Variants in KLHL18 observed in about 807,000 individuals in gnomAD.
KLHL18 encodes the protein kelch-like protein 18.
In KLHL18, 38 loss-of-function variants were observed where a neutral mutation model predicts 58.5. The observed-to-expected ratio is 0.65, with a 90% CI of 0.50 to 0.85. The LOEUF (loss-of-function observed/expected upper bound fraction) is 0.85, where lower values mean the gene tolerates loss of function less well. Ranked by LOEUF, KLHL18 falls within the 40% of genes least tolerant of loss-of-function variation. KLHL18 has a pLI of 0.00. For synonymous variants in KLHL18, 303 were observed against 301.9 expected (o/e 1.00, Z -0.04); for missense variants, 624 against 778.4 (o/e 0.80, Z 2.36).
chr3:47,328,308 A>G (rs1292499217), intron 3 of KLHL18, among the ~76,000 whole-genome samples: 1 of 151,448 alleles, frequency 6.6e-6, no homozygotes, highest in Non-Finnish European at 1.5e-5. Flanking sequence ...CAAGGCTATC[A>G]TGAGCCATAA....
chr3:47,316,205 A>C (rs957039139), intron 1 of KLHL18, among the ~76,000 whole-genome samples: 2 of 152,130 alleles, frequency 1.3e-5, no homozygotes, highest in Non-Finnish European at 2.9e-5. Context: ...AAAGAAAACC[A>C]ATACCAAGAT....
chr3:47,295,277 G>T (rs1287487626), intron 1 of KLHL18, among the ~76,000 whole-genome samples: 2 of 152,162 alleles, frequency 1.3e-5, no homozygotes, highest in Non-Finnish European at 2.9e-5. Context: ...CATTCTGGTT[G>T]ACTTCTCTAA....
intron 1 of KLHL18, among the ~76,000 whole-genome samples, chr3:47,285,090 G>A (rs941122546): frequency 3.9e-5 from 6 of 152,338 alleles, no homozygotes; most frequent in Admixed American, 3.3e-4. Flanking sequence ...TGGGATTACA[G>A]GCGTGAGCCA....
chr3:47,304,202 A>G (rs989101059), intron 1 of KLHL18, among the ~76,000 whole-genome samples: 2 of 152,132 alleles, frequency 1.3e-5, no homozygotes, highest in Non-Finnish European at 2.9e-5. Flanking sequence ...CTTTCATATA[A>G]ATTTTAGAAT....
intron 1 of KLHL18, among the ~76,000 whole-genome samples, chr3:47,296,433 G>A (rs138121401): frequency 3.9e-5 from 6 of 152,304 alleles, no homozygotes; most frequent in Non-Finnish European, 7.3e-5. Context: ...GCTTGTAGGT[G>A]CATGAGACAC....
At chr3:47,299,021 G>C (rs1702956069) in intron 1 of KLHL18, among the ~76,000 whole-genome samples, 1 of 152,122 alleles carries the variant, frequency 6.6e-6, no homozygotes, top group Admixed American at 6.5e-5. Context: ...GAGTGAACTT[G>C]TTTCCATTTC....
chr3:47,324,298 C>CTTTTTTTTTTTTCTTTTTTTTTTT (rs1703660368), intron 3 of KLHL18, among the ~76,000 whole-genome samples: 1 of 37,486 alleles, frequency 2.7e-5, no homozygotes, highest in Admixed American at 5.3e-4. Context: ...TTCTTTCTTT[C>CTTTTTTTTTTTTCTTTTTTTTTTT]TTTTTTTTTT....
chr3:47,336,810 C>T (rs746681383), intron 7 of KLHL18, 53 bp downstream of exon 7: 21 of 1,426,610 alleles, frequency 1.5e-5, no homozygotes, highest in East Asian at 1.4e-4. Context: ...ACCTGGGGAG[C>T]GCCATGCTAG....
intron 1 of KLHL18, among the ~76,000 whole-genome samples, chr3:47,297,097 T>C (rs1702912588): frequency 1.3e-5 from 2 of 152,196 alleles, no homozygotes; most frequent in Non-Finnish European, 2.9e-5. Flanking sequence ...CCTTTTTTAG[T>C]GTCAGCTGGT....
Position 47,340,686 on chromosome 3 carries a change from C to T in KLHL18, c.1226+10C>T. On this transcript the variant is annotated intron_variant, in intron 8 of 9. Transcript: ENST00000232766. Reference sequence around the variant, plus strand: ...CACCTGAGACGGACAAGTAAGGACTCCAGCTCCCTTGGGGCAACTGGAGCT... The same window carrying T: ...CACCTGAGACGGACAAGTAAGGACTTCAGCTCCCTTGGGGCAACTGGAGCT... The T allele has an allele frequency of 6.2e-7, 1 of 1,613,916 alleles. No individual in the cohort carries two copies. Among genetic ancestry groups the T allele is most frequent in the Non-Finnish European group, 8.5e-7 (1 of 1,179,936 alleles).
At chr3:47,295,485 A>C (rs1328933370) in intron 1 of KLHL18, among the ~76,000 whole-genome samples, 1 of 152,166 alleles carries the variant, frequency 6.6e-6, no homozygotes, top group African/African-American at 2.4e-5. Flanking sequence ...AGCCGTATCC[A>C]TGCTTCAAGC....
chr3:47,342,030 G>A (rs896517037), intron 8 of KLHL18, among the ~76,000 whole-genome samples: 3 of 152,068 alleles, frequency 2.0e-5, no homozygotes, highest in African/African-American at 7.2e-5. Context: ...GAACTGCATT[G>A]AGCTATGATA....
rs770091178 is a variant in KLHL18 at position 47,298,352 on chromosome 3, C to CT, written c.129+15259dup. ...CCTGGGCAAGAGTGAGATCCTGTCT[C>CT]TAAAAAAAAAAAAAAAAAAAGAGAA... On this transcript the variant is annotated intron_variant, in intron 1 of 9. Transcript: ENST00000232766. Among the ~76,000 whole-genome samples, 5 of 12,134 alleles carry CT rather than the reference C, an allele frequency of 4.1e-4. 1 individual carries two copies. The highest frequency in any genetic ancestry group is 2.8e-3 in the East Asian group (1 of 352). The allele number at this position is 12,134 out of a possible 152,430, so 8.0% of individuals were successfully genotyped here. A position where few individuals can be genotyped will look rare whatever the true frequency, so the allele number is the denominator to read the frequency against.
rs987101447 is a variant in KLHL18 at position 47,330,269 on chromosome 3, A to G, written c.600+120A>G. 5 of 844,536 alleles carry G rather than the reference A, an allele frequency of 5.9e-6. No homozygotes were observed. The Admixed American group carries it at 7.3e-5, about 12-fold the overall frequency. The allele number at this position is 844,536 out of a possible 1,614,324, so 52.3% of individuals were successfully genotyped here. On this transcript the variant is annotated intron_variant, in intron 4 of 9. Coordinates refer to ENST00000232766, the MANE Select transcript of KLHL18 (RefSeq NM_025010.5). The stretch of plus-strand genomic sequence containing the variant: ...CATGACATGTATGTGGCTGTTGTAT[A>G]TTATTGGGCTTGTTTTACTGTATCA...
chr3:47,319,770 G>A lies in KLHL18; in HGVS notation c.247G>A (p.Gly83Arg). ...CAAGCAGGATGAGATTGTAATGCAA[G>A]GAATGGACCCAAGGTACTGAATCCC... The part of the protein sequence containing the change: ...ECKQDEIVMQ[G>R]MDPSALEALI... The change falls in exon 2 of 10, where the codon GGA becomes AGA. Residue 83 changes from glycine (G) to arginine (R), a missense_variant. Transcript: ENST00000232766. The A allele has an allele frequency of 1.2e-6, 2 of 1,613,758 alleles. No homozygotes were observed. Among genetic ancestry groups the A allele is most frequent in the East Asian group, 2.2e-5 (1 of 44,884 alleles).
rs1257238429 is a variant in KLHL18 at position 47,344,007 on chromosome 3, G to T, written c.*66G>T. ...ACATAGGCGCTTCCTTCCAGGAACA[G>T]TCCCTCAGGAGAGGCAGTGGACCAG... is the stretch of plus-strand genomic sequence containing the variant. On this transcript the variant is annotated 3_prime_UTR_variant, in exon 10 of 10. Coordinates refer to ENST00000232766, the MANE Select transcript of KLHL18 (RefSeq NM_025010.5). 4 of 1,570,724 alleles carry T rather than the reference G, an allele frequency of 2.5e-6. No individual in the cohort carries two copies. Among genetic ancestry groups the T allele is most frequent in the Non-Finnish European group, 2.6e-6 (3 of 1,165,890 alleles).
At chr3:47,332,530 C>T (rs962941976) in intron 4 of KLHL18, among the ~76,000 whole-genome samples, 9 of 133,076 alleles carry the variant, frequency 6.8e-5, no homozygotes, top group Non-Finnish European at 1.1e-4. Flanking sequence ...ACTGTGGTTT[C>T]GAGGAAAAAG....
rs1474728926 is a variant in KLHL18 at position 47,283,114 on chromosome 3, A to G, written c.129+20A>G. 6.6e-7 allele frequency: 1 copy of G among 1,512,284 alleles called. No homozygotes were observed. Among genetic ancestry groups the G allele is most frequent in the Non-Finnish European group, 8.9e-7 (1 of 1,123,076 alleles). 93.7% of individuals were successfully genotyped at this position (1,512,284 alleles called of 1,614,324 possible). Reference sequence around the variant, plus strand: ...CTCAAGGTACCGCGGACTGGGCGGCAGCGGGCTGAGGGAAAAGGGGTCGAG... The same window carrying G: ...CTCAAGGTACCGCGGACTGGGCGGCGGCGGGCTGAGGGAAAAGGGGTCGAG... On this transcript the variant is annotated intron_variant, in intron 1 of 9. Coordinates refer to ENST00000232766, the MANE Select transcript of KLHL18 (RefSeq NM_025010.5).
intron 1 of KLHL18, among the ~76,000 whole-genome samples, chr3:47,283,821 G>C (rs755161249): frequency 6.6e-6 from 1 of 152,250 alleles, no homozygotes; most frequent in Non-Finnish European, 1.5e-5. Flanking sequence ...GAAGAGGCAT[G>C]CTGTGCTGCT....
Sources: allele counts gnomAD v4.1 joint callset (sites outside exome capture counted in the v4.1 genomes callset), GRCh38; gene constraint gnomAD v4.1.1; transcripts MANE v1.5; gene names NCBI Gene and HGNC (gene_info 2026-07-23, HGNC 2026-07-21).